Variants in NTN1 observed in about 807,000 individuals in gnomAD.
NTN1 encodes the protein netrin 1.
Under a neutral mutation model 54.2 loss-of-function variants are expected in NTN1, and 11 were observed. That is an observed-to-expected ratio of 0.20 (90% confidence interval 0.13 to 0.34). The LOEUF is 0.34. Among genes scored for constraint, NTN1 ranks in the 10% least tolerant of loss-of-function variants. NTN1 has a pLI of 1.00. For missense variants in NTN1, 740 were observed against 893.1 expected (o/e 0.83, Z 2.18); for synonymous variants, 371 against 382.0 (o/e 0.97, Z 0.33).
the NTN1 span, among the ~76,000 whole-genome samples, chr17:9,009,933 C>T: frequency 1.3e-5 from 2 of 152,174 alleles, no homozygotes; most frequent in Non-Finnish European, 2.9e-5. Context: ...ACGTCAGTTT[C>T]CTCACTCGTA....
chr17:9,160,832 C>T lies in NTN1; in HGVS notation c.1019-1981C>T, dbSNP rs565240942. Among the ~76,000 whole-genome samples, 14 of 152,196 alleles carry T rather than the reference C, an allele frequency of 9.2e-5. 1 individual carries two copies. The South Asian group carries it at 2.7e-3, about 29-fold the overall frequency. ...ATTCGCTGGGCATGGTGGCACATGT[C>T]TGTGGTCCCAGCTACTTGGGAGGCT... On this transcript the variant is annotated intron_variant, in intron 2 of 6. Transcript: ENST00000173229.
Position 9,023,051 on chromosome 17 carries a change from G to T in NTN1, c.678G>T (p.Arg226=). ...GLIAFSTLDG[R]PSAHDFDNSP... is the part of the protein sequence containing the mutation. ...TCGCCTTCAGCACGCTGGACGGGCG[G>T]CCCTCGGCGCACGACTTCGACAACT... The change falls in exon 2 of 7, where the codon CGG becomes CGT. Residue 226 remains arginine (R), a synonymous_variant. Transcript: ENST00000173229. The T allele has an allele frequency of 6.3e-6, 10 of 1,584,874 alleles. No homozygotes were observed. The highest frequency in any genetic ancestry group is 8.6e-6 in the Non-Finnish European group (10 of 1,167,360).
At chr17:9,195,766 C>T (rs1904617299) in intron 5 of NTN1, among the ~76,000 whole-genome samples, 1 of 152,196 alleles carries the variant, frequency 6.6e-6, no homozygotes, top group Admixed American at 6.5e-5. Context: ...GCAGAATCTT[C>T]ACAGCCACTG....
intron 5 of NTN1, among the ~76,000 whole-genome samples, chr17:9,187,532 C>T (rs1333744298): frequency 6.6e-6 from 1 of 151,980 alleles, no homozygotes; most frequent in Non-Finnish European, 1.5e-5. Context: ...AAATGAATGG[C>T]CAGGTGCGGT....
chr17:9,195,580 G>T (rs1904609587), intron 5 of NTN1, among the ~76,000 whole-genome samples: 1 of 152,180 alleles, frequency 6.6e-6, no homozygotes, highest in Non-Finnish European at 1.5e-5. Context: ...CTGAGGCAGG[G>T]GTGGATGCAG....
intron 2 of NTN1, among the ~76,000 whole-genome samples, chr17:9,129,137 C>T (rs976544973): frequency 6.6e-6 from 1 of 152,164 alleles, no homozygotes; most frequent in African/African-American, 2.4e-5. Context: ...CCCTCAATTA[C>T]GTCTTTGCAG....
chr17:9,198,975 T>C (rs115763759), intron 5 of NTN1, among the ~76,000 whole-genome samples: 555 of 152,264 alleles, frequency 3.6e-3, no homozygotes, highest in African/African-American at 0.013. Flanking sequence ...AACAGTGACT[T>C]GGGCCCCTTG....
chr17:9,142,633 A>G (rs1212378089), intron 2 of NTN1, among the ~76,000 whole-genome samples: 1 of 152,166 alleles, frequency 6.6e-6, no homozygotes, highest in Non-Finnish European at 1.5e-5. Flanking sequence ...ACACATCTCA[A>G]GGACTGATTT....
At chr17:9,182,803 G>A in intron 4 of NTN1, 113 bp from the exon 5 acceptor site, 1 of 1,046,784 alleles carries the variant, frequency 9.6e-7, no homozygotes, top group Non-Finnish European at 1.5e-6. Context: ...ACGGAGGGGA[G>A]GGTCCCAGGA....
chr17:9,182,292 A>G (rs1304960151), intron 4 of NTN1, among the ~76,000 whole-genome samples: 2 of 152,216 alleles, frequency 1.3e-5, no homozygotes, highest in Non-Finnish European at 2.9e-5. Context: ...CCAGAGTGCT[A>G]TATTAGATAG....
intron 6 of NTN1, among the ~76,000 whole-genome samples, chr17:9,234,788 G>A (rs1408970507): frequency 6.6e-6 from 1 of 152,218 alleles, no homozygotes; most frequent in East Asian, 1.9e-4. Flanking sequence ...GCAGCAGCAG[G>A]CGGAGGCCAG....
the NTN1 span, among the ~76,000 whole-genome samples, chr17:9,003,177 C>T: frequency 2.6e-5 from 4 of 152,050 alleles, no homozygotes; most frequent in Non-Finnish European, 5.9e-5. This position sits in a 1 kb window ranked among gnomAD's most constrained non-coding sequence, Gnocchi z 7.4. Flanking sequence ...GAGTCGCGGC[C>T]GGGTGGGGGC....
chr17:9,098,040 G>T (rs1162953302), intron 2 of NTN1, among the ~76,000 whole-genome samples: 1 of 152,110 alleles, frequency 6.6e-6, no homozygotes, highest in Non-Finnish European at 1.5e-5. Flanking sequence ...AAGATCAGAT[G>T]ATTCTATTGA....
chr17:9,036,005 G>C (rs2091902223), intron 2 of NTN1, among the ~76,000 whole-genome samples: 1 of 150,454 alleles, frequency 6.6e-6, no homozygotes, highest in African/African-American at 2.4e-5. Context: ...CTGAGCAATA[G>C]AGCAAGGCTC....
At chr17:9,190,090 A>G (rs990913978) in intron 5 of NTN1, among the ~76,000 whole-genome samples, 6 of 152,250 alleles carry the variant, frequency 3.9e-5, no homozygotes, top group African/African-American at 1.4e-4. Flanking sequence ...AAAGGTCAGC[A>G]TGGCCTGTAG....
chr17:9,047,986 G>A (rs982645893), intron 2 of NTN1, among the ~76,000 whole-genome samples: 12 of 152,176 alleles, frequency 7.9e-5, no homozygotes, highest in Admixed American at 3.3e-4. Context: ...ATCAGCCACT[G>A]TGCTCGGCTG....
chr17:9,022,535 C>T lies in NTN1; in HGVS notation c.162C>T (p.Asp54=), dbSNP rs1378973992. The change falls in exon 2 of 7, where the codon GAC becomes GAT. Residue 54 remains aspartate, a synonymous_variant. Coordinates refer to ENST00000173229, the MANE Select transcript of NTN1 (RefSeq NM_004822.3). ...GCCACCCGCGCCGCTGCATCCCGGA[C>T]TTTGTCAATGCGGCCTTCGGCAAGG... The part of the protein sequence containing the change: ...ENGHPRRCIP[D]FVNAAFGKDV... 1 of 1,551,234 alleles carries T rather than the reference C, an allele frequency of 6.4e-7. No individual in the cohort carries two copies. Among genetic ancestry groups the T allele is most frequent in the South Asian group, 1.2e-5 (1 of 84,612 alleles).
At chr17:9,038,674 C>T (rs71371881) in intron 2 of NTN1, among the ~76,000 whole-genome samples, 1 of 152,180 alleles carries the variant, frequency 6.6e-6, no homozygotes, top group African/African-American at 2.4e-5. Flanking sequence ...TCCCTCCCTC[C>T]TCCCACACAC....
chr17:9,232,743 C>T (rs1473062440), intron 6 of NTN1, among the ~76,000 whole-genome samples: 2 of 152,122 alleles, frequency 1.3e-5, no homozygotes, highest in Non-Finnish European at 2.9e-5. Context: ...GGTGACCCCC[C>T]GTCCCGGGTG....
Sources: gnomAD v4.1 joint callset for allele counts (sites outside exome capture counted in the v4.1 genomes callset) on GRCh38, gnomAD v4.1.1 for gene constraint, Gnocchi (gnomAD v3.1) non-coding constraint, MANE v1.5 for transcripts, NCBI Gene and HGNC (gene_info 2026-07-23, HGNC 2026-07-21) for gene names.